The following PRKCQ variants were observed in gnomAD, a reference collection of about 807,000 sequenced individuals.
PRKCQ encodes protein kinase C theta, also known as protein kinase C theta type.
Under a neutral mutation model 91.2 loss-of-function variants are expected in PRKCQ, and 41 were observed. The ratio of observed to expected loss-of-function variants is 0.45; its 90% CI spans 0.35 to 0.58. The LOEUF (loss-of-function observed/expected upper bound fraction) is 0.58, where lower values mean the gene tolerates loss of function less well. Ranked by LOEUF, PRKCQ falls within the 20% of genes least tolerant of loss-of-function variation. PRKCQ has a pLI of 0.00. For synonymous variants in PRKCQ, 307 were observed against 316.9 expected (o/e 0.97, Z 0.33); for missense variants, 673 against 896.5 (o/e 0.75, Z 3.18).
intron 12 of PRKCQ, among the ~76,000 whole-genome samples, chr10:6,468,457 ATGAC>A (rs1835797524): frequency 1.3e-5 from 2 of 152,234 alleles, no homozygotes; most frequent in East Asian, 3.8e-4. Flanking sequence ...TATAGGATGA[ATGAC>A]AGGTTTATAG....
chr10:6,548,738 T>TGGGGGGG (rs1840067921), intron 1 of PRKCQ, among the ~76,000 whole-genome samples: 1 of 64,402 alleles, frequency 1.6e-5, no homozygotes, highest in Non-Finnish European at 2.8e-5. Flanking sequence ...TGTTGTGGGG[T>TGGGGGGG]GGGGGGAGGG....
intron 4 of PRKCQ, 79 bp downstream of exon 4, chr10:6,507,357 G>A: frequency 7.4e-7 from 1 of 1,344,496 alleles, no homozygotes. Flanking sequence ...TACAATAATT[G>A]CAAAGGTAAA....
At chr10:6,557,526 CCTAA>C (rs980354384) in intron 1 of PRKCQ, among the ~76,000 whole-genome samples, 6 of 152,116 alleles carry the variant, frequency 3.9e-5, no homozygotes, top group African/African-American at 1.2e-4. Flanking sequence ...CACTTCTTTA[CCTAA>C]CTATTTTGGA....
intron 15 of PRKCQ, among the ~76,000 whole-genome samples, chr10:6,443,729 G>A (rs1834091593): frequency 6.6e-6 from 1 of 152,100 alleles, no homozygotes; most frequent in Non-Finnish European, 1.5e-5. Flanking sequence ...CAGCCTTCAA[G>A]GTGAAGGGAA....
intron 1 of PRKCQ, among the ~76,000 whole-genome samples, chr10:6,566,413 A>G (rs1056573929): frequency 6.6e-6 from 1 of 152,174 alleles, no homozygotes; most frequent in African/African-American, 2.4e-5. Context: ...TCTGGATGCG[A>G]AAAGGACCCC....
chr10:6,464,465 T>C (rs1271202541), intron 12 of PRKCQ, 61 bp from the exon 13 acceptor site: 1 of 1,443,246 alleles, frequency 6.9e-7, no homozygotes, highest in Non-Finnish European at 9.7e-7. Flanking sequence ...ATTTATTTTG[T>C]CCAAGACAGG....
At chr10:6,568,703 T>C (rs1444868531) in intron 1 of PRKCQ, among the ~76,000 whole-genome samples, 1 of 152,096 alleles carries the variant, frequency 6.6e-6, no homozygotes, top group East Asian at 1.9e-4. Flanking sequence ...TTTCACTGCA[T>C]TAGCCAGGAT....
chr10:6,467,349 G>C lies in PRKCQ; in HGVS notation c.1354-2945C>G, dbSNP rs1247042747. Among the ~76,000 whole-genome samples, 34 of 127,786 alleles carry C rather than the reference G, an allele frequency of 2.7e-4. 1 individual carries two copies. The highest frequency in any genetic ancestry group is 5.1e-4 in the African/African-American group (18 of 35,388). 83.8% of individuals were successfully genotyped at this position (127,786 alleles called of 152,430 possible). On this transcript the variant is annotated intron_variant, in intron 12 of 17. Coordinates refer to ENST00000263125, the MANE Select transcript of PRKCQ (RefSeq NM_006257.5). ...AGAGAGACAGACAGAGAGAGAGAGA[G>C]AGAGAGACAGAGAGAGAGAGAGAGA...
chr10:6,466,575 C>T (rs756027396), intron 12 of PRKCQ, among the ~76,000 whole-genome samples: 11 of 152,186 alleles, frequency 7.2e-5, no homozygotes, highest in Non-Finnish European at 1.5e-4. Flanking sequence ...AAAATTAGCA[C>T]AAATGTATGC....
At chr10:6,401,341 C>T in the PRKCQ span, among the ~76,000 whole-genome samples, 1 of 152,190 alleles carries the variant, frequency 6.6e-6, no homozygotes, top group Admixed American at 6.5e-5. Flanking sequence ...TTCTCAAGCT[C>T]TGTACTCAAA....
At chr10:6,450,730 C>T (rs907397884) in intron 15 of PRKCQ, among the ~76,000 whole-genome samples, 1 of 152,192 alleles carries the variant, frequency 6.6e-6, no homozygotes, top group Non-Finnish European at 1.5e-5. Context: ...AACTGTCTCT[C>T]AGACCACAGT....
At chr10:6,578,403 T>A (rs2130991279) in intron 1 of PRKCQ, among the ~76,000 whole-genome samples, 1 of 152,310 alleles carries the variant, frequency 6.6e-6, no homozygotes, top group Admixed American at 6.5e-5. Context: ...CTTGCCTGGA[T>A]ATTGACATTT....
the PRKCQ span, among the ~76,000 whole-genome samples, chr10:6,410,702 G>T: frequency 1.3e-5 from 2 of 152,180 alleles, no homozygotes; most frequent in Non-Finnish European, 2.9e-5. Flanking sequence ...GTCTTGTCTG[G>T]CAGGGTGCAG....
intron 12 of PRKCQ, among the ~76,000 whole-genome samples, chr10:6,478,345 A>C (rs974213322): frequency 2.0e-5 from 3 of 152,240 alleles, no homozygotes; most frequent in African/African-American, 7.2e-5. Context: ...CTTTGAGTTT[A>C]TAAAAATTTT....
chr10:6,423,413 C>T (rs1269520507), downstream of PRKCQ, among the ~76,000 whole-genome samples: 9 of 152,184 alleles, frequency 5.9e-5, no homozygotes, highest in East Asian at 1.7e-3. Flanking sequence ...CACTGACCCT[C>T]CAGGAGACTG....
Position 6,485,273 on chromosome 10 carries a change from G to C in PRKCQ, c.901-4C>G. The C allele has an allele frequency of 6.2e-7, 1 of 1,612,452 alleles. No individual in the cohort carries two copies. Among genetic ancestry groups the C allele is most frequent in the Non-Finnish European group, 8.5e-7 (1 of 1,178,864 alleles). On this transcript the variant is annotated splice_region_variant and splice_polypyrimidine_tract_variant and intron_variant, in intron 9 of 17. Transcript: ENST00000263125. ...CAGTATCTCTTAAGCAGCGAGCCTG[G>C]ATGACAAACAGAGAGTCAGACCACC...
the PRKCQ span, among the ~76,000 whole-genome samples, chr10:6,404,835 C>A: frequency 7.6e-6 from 1 of 131,098 alleles, no homozygotes. Context: ...TTCCTTCTTT[C>A]TTTCTTTCTT....
chr10:6,433,350 C>T (rs1160591401), intron 16 of PRKCQ, among the ~76,000 whole-genome samples: 1 of 152,204 alleles, frequency 6.6e-6, no homozygotes, highest in Non-Finnish European at 1.5e-5. Context: ...AGGTTGTCTT[C>T]TTTCCTACCA....
At chr10:6,451,391 T>G (rs1391600509) in intron 15 of PRKCQ, among the ~76,000 whole-genome samples, 1 of 152,090 alleles carries the variant, frequency 6.6e-6, no homozygotes, top group Non-Finnish European at 1.5e-5. Flanking sequence ...AAGTTGAATC[T>G]CTGAATAGAC....
Sources: gnomAD v4.1 joint callset for allele counts (sites outside exome capture counted in the v4.1 genomes callset) on GRCh38, gnomAD v4.1.1 for gene constraint, MANE v1.5 for transcripts, NCBI Gene and HGNC (gene_info 2026-07-23, HGNC 2026-07-21) for gene names.